DLGAP5: variants seen among roughly 807,000 people sequenced by gnomAD.
DLGAP5 encodes DLG associated protein 5, also known as disks large-associated protein 5.
DLGAP5 carries 90 observed loss-of-function variants against 99.6 expected under a neutral mutation model. That is an observed-to-expected ratio of 0.90 (90% CI 0.76 to 1.08). The LOEUF is 1.08. Ranked by LOEUF, DLGAP5 falls within the 50% of genes least tolerant of loss-of-function variation. The pLI, the probability that DLGAP5 is intolerant of heterozygous loss-of-function variation, is 0.00. For synonymous variants in DLGAP5, 311 were observed against 321.3 expected (o/e 0.97, Z 0.34); for missense variants, 1,036 against 983.5 (o/e 1.05, Z -0.71).
At chr14:55,164,936 A>AT in intron 12 of DLGAP5, among the ~76,000 whole-genome samples, 2 of 137,978 alleles carry the variant, frequency 1.4e-5, no homozygotes, top group African/African-American at 6.0e-5. Flanking sequence ...AAAAAAAAAA[A>AT]AGAGAAATTT....
chr14:55,152,893 G>C (rs10140857), intron 15 of DLGAP5, among the ~76,000 whole-genome samples: 62,627 of 151,952 alleles, frequency 0.41, 13,334 homozygotes, highest in Non-Finnish European at 0.43. Context: ...GTCAGTCAGG[G>C]TCAGGTGGCT....
intron 13 of DLGAP5, among the ~76,000 whole-genome samples, chr14:55,159,954 G>A (rs1430803682): frequency 6.6e-6 from 1 of 152,174 alleles, no homozygotes; most frequent in Non-Finnish European, 1.5e-5. Context: ...TGTAATCCCC[G>A]CACTTTGGGA....
chr14:55,158,796 CACACAACAA>C (rs901204844), intron 13 of DLGAP5, 55 bp from the exon 14 acceptor site: 30 of 1,296,472 alleles, frequency 2.3e-5, no homozygotes, highest in Non-Finnish European at 3.1e-5. Context: ...ACAAGAAAAA[CACACAACAA>C]ACACAAATTC....
At chr14:55,180,906 C>T (rs569978311) in intron 5 of DLGAP5, 128 bp from the exon 6 acceptor site, 1 of 1,229,690 alleles carries the variant, frequency 8.1e-7, no homozygotes, top group African/African-American at 1.5e-5. Context: ...TACTTCAGCC[C>T]AGGAGTTCGA....
rs374416825 is a variant in DLGAP5, at chr14:55,182,278, T to G, written c.495+92A>C. ...GTTAACTCTAGTAAATTAATCATTATGTTTGAATCTGATACTAGATTTAAA... is the reference window on the plus strand; with the variant it reads ...GTTAACTCTAGTAAATTAATCATTAGGTTTGAATCTGATACTAGATTTAAA... On this transcript the variant is annotated intron_variant, in intron 4 of 18. Transcript: ENST00000247191. The G allele has an allele frequency of 3.1e-4, 332 of 1,069,132 alleles. 3 individuals carry two copies. The Middle Eastern group carries it at 4.5e-3, about 14-fold the overall frequency. 66.2% of individuals were successfully genotyped at this position (1,069,132 alleles called of 1,614,324 possible).
At chr14:55,157,174 C>T (rs1019023205) in intron 14 of DLGAP5, among the ~76,000 whole-genome samples, 1 of 152,186 alleles carries the variant, frequency 6.6e-6, no homozygotes, top group African/African-American at 2.4e-5. Flanking sequence ...CAACTATGTG[C>T]TCTGTAACTA....
chr14:55,154,995 A>C (rs1882157779), intron 14 of DLGAP5, among the ~76,000 whole-genome samples, 189 bp from the exon 15 acceptor site: 1 of 152,102 alleles, frequency 6.6e-6, no homozygotes, highest in African/African-American at 2.4e-5. Context: ...TCCTTTTGAC[A>C]TCCCACTACT....
rs1371401592 is a variant in DLGAP5 at position 55,175,881 on chromosome 14, T to C, written c.1174+13A>G. ...TTATTCTAAAAAATGAATAAATTAA[T>C]TAAATACTATACCTTCATGCCAAAC... On this transcript the variant is annotated intron_variant, in intron 9 of 18. Coordinates refer to ENST00000247191, the MANE Select transcript of DLGAP5 (RefSeq NM_014750.5). 1 of 1,545,544 alleles carries C rather than the reference T, an allele frequency of 6.5e-7. No individual in the cohort carries two copies. The highest frequency in any genetic ancestry group is 8.7e-7 in the Non-Finnish European group (1 of 1,148,702).
At chr14:55,171,055 TTGTTC>T (rs1882841457) in intron 10 of DLGAP5, among the ~76,000 whole-genome samples, 1 of 152,218 alleles carries the variant, frequency 6.6e-6, no homozygotes, top group African/African-American at 2.4e-5. Flanking sequence ...CATTTCTAGT[TTGTTC>T]TGTTCTTTTT....
At position 55,151,756 on chromosome 14, in the gene DLGAP5, T is replaced by C. The variant is rs1882026577; in HGVS notation, c.2307A>G (p.Glu769=). The C allele has an allele frequency of 6.2e-7, 1 of 1,614,004 alleles. No individual in the cohort carries two copies. Among genetic ancestry groups the C allele is most frequent in the Non-Finnish European group, 8.5e-7 (1 of 1,179,942 alleles). ...TSQDVLMSSP[E]KNTASQNSIL... ...TGCTATTTTGTGAAGCTGTATTTTT[T>C]TCAGGGCTACTCATCAAAACATCCT... The change falls in exon 17 of 19, where the codon GAA becomes GAG. Residue 769 remains glutamate, a synonymous_variant. Transcript: ENST00000247191.
At chr14:55,185,594 C>T (rs1404262334) in intron 2 of DLGAP5, among the ~76,000 whole-genome samples, 1 of 152,182 alleles carries the variant, frequency 6.6e-6, no homozygotes, top group Non-Finnish European at 1.5e-5. Flanking sequence ...TCAAGCAATT[C>T]TGCCTCAGCC....
At chr14:55,152,993 C>A (rs1882070363) in intron 15 of DLGAP5, among the ~76,000 whole-genome samples, 1 of 152,162 alleles carries the variant, frequency 6.6e-6, no homozygotes, top group Non-Finnish European at 1.5e-5. Flanking sequence ...ACAGAAGCAA[C>A]AATTCAATTA....
chr14:55,170,946 A>G (rs1467745148), intron 10 of DLGAP5, among the ~76,000 whole-genome samples, 159 bp from the exon 11 acceptor site: 1 of 152,254 alleles, frequency 6.6e-6, no homozygotes, highest in Non-Finnish European at 1.5e-5. Context: ...GTGATATATT[A>G]AAATCCATAA....
chr14:55,173,069 A>G (rs1303722447), intron 10 of DLGAP5, among the ~76,000 whole-genome samples: 1 of 152,022 alleles, frequency 6.6e-6, no homozygotes, highest in East Asian at 1.9e-4. Context: ...TAATATTTCA[A>G]TAACTCAGTG....
chr14:55,186,569 G>T (rs1256548530), intron 2 of DLGAP5, among the ~76,000 whole-genome samples: 1 of 148,656 alleles, frequency 6.7e-6, no homozygotes, highest in Non-Finnish European at 1.5e-5. Context: ...TTTTCCTATT[G>T]AATGTCTTTG....
At chr14:55,156,317 C>G (rs756316356) in intron 14 of DLGAP5, among the ~76,000 whole-genome samples, 2 of 152,114 alleles carry the variant, frequency 1.3e-5, no homozygotes, top group African/African-American at 2.4e-5. Flanking sequence ...ACAGAAGGGT[C>G]TCTGGTTTAG....
chr14:55,175,311 T>C (rs1444926092), intron 10 of DLGAP5, 35 bp downstream of exon 10: 1 of 1,589,226 alleles, frequency 6.3e-7, no homozygotes, highest in East Asian at 2.3e-5. Flanking sequence ...TAGATATTAA[T>C]ACAAAATTCT....
At chr14:55,166,080 T>A (rs1402613250) in intron 12 of DLGAP5, among the ~76,000 whole-genome samples, 2 of 152,146 alleles carry the variant, frequency 1.3e-5, no homozygotes, top group African/African-American at 4.8e-5. Context: ...AAAAGATACA[T>A]CCACACTAAG....
rs1883339923 is a variant in DLGAP5, at chr14:55,183,608, A to C, written c.384T>G (p.Pro128=). The change falls in exon 3 of 19, where the codon CCT becomes CCG. Residue 128 remains proline (P), a synonymous_variant. Coordinates refer to ENST00000247191, the MANE Select transcript of DLGAP5 (RefSeq NM_014750.5). ...FKVGRYRPDM[P]CFLLSNQNAV... ...CATTCTGGTTTGATAAAAGAAAACA[A>C]GGCATATCAGGTCTATAACGACCCA... 1.3e-6 allele frequency: 2 copies of C among 1,593,328 alleles called. No individual in the cohort carries two copies. Among genetic ancestry groups the C allele is most frequent in the East Asian group, 2.3e-5 (1 of 44,222 alleles).
Sources: gnomAD v4.1 joint callset for allele counts (sites outside exome capture counted in the v4.1 genomes callset) on GRCh38, gnomAD v4.1.1 for gene constraint, MANE v1.5 for transcripts, NCBI Gene and HGNC (gene_info 2026-07-23, HGNC 2026-07-21) for gene names.